Variants in UGGT1 observed in about 807,000 individuals in gnomAD.
The protein encoded by UGGT1 is UDP-glucose:glycoprotein glucosyltransferase 1.
UGGT1 carries 107 observed loss-of-function variants against 203.9 expected under a neutral mutation model. The ratio of observed to expected loss-of-function variants is 0.52; its 90% CI spans 0.45 to 0.62. The LOEUF is 0.62. Among genes scored for constraint, UGGT1 ranks in the 20% least tolerant of loss-of-function variants. The probability of loss-of-function intolerance (pLI) is 0.00; values close to 1 mark genes in which losing one functional copy is unlikely to be tolerated. For synonymous variants in UGGT1, 628 were observed against 653.5 expected (o/e 0.96, Z 0.59); for missense variants, 1,673 against 1,867.2 (o/e 0.90, Z 1.92).
At chr2:128,110,693 T>C (rs1374157559) in intron 5 of UGGT1, among the ~76,000 whole-genome samples, 1 of 152,220 alleles carries the variant, frequency 6.6e-6, no homozygotes, top group African/African-American at 2.4e-5. Flanking sequence ...TGGTTTGGCA[T>C]ATATACCTTC....
intron 13 of UGGT1, among the ~76,000 whole-genome samples, chr2:128,131,711 TC>T (rs946120703): frequency 1.5e-4 from 23 of 152,290 alleles, no homozygotes; most frequent in African/African-American, 5.5e-4. Context: ...CACTGCAACT[TC>T]CGCCTCCCAG....
chr2:128,143,313 T>C, intron 17 of UGGT1, 88 bp downstream of exon 17: 1 of 1,410,264 alleles, frequency 7.1e-7, no homozygotes, highest in East Asian at 2.5e-5. Context: ...ATAATGGCGA[T>C]GGTGGTTAAA....
rs1558818044 is a variant in UGGT1 at position 128,172,557 on chromosome 2, TC to T, written c.3105-14del. 1 of 1,613,546 alleles carries T rather than the reference TC, an allele frequency of 6.2e-7. No homozygotes were observed. The highest frequency in any genetic ancestry group is 8.5e-7 in the Non-Finnish European group (1 of 1,179,730). The stretch of plus-strand genomic sequence containing the variant: ...TCACATCGAAAATTATCTAACACTT[TC>T]CTTTTCAATTTCAGCTTTTACCGTT... On this transcript the variant is annotated splice_polypyrimidine_tract_variant and intron_variant, in intron 28 of 40. Transcript: ENST00000259253.
rs143235119 is a variant in UGGT1, at chr2:128,180,459, C to T, written c.3901-431C>T. Reference sequence around the variant, plus strand: ...GTGCTTATACTTAGAATCTGAAAGACTTATTCAAAAAGGACAACACATTTG... The same window carrying T: ...GTGCTTATACTTAGAATCTGAAAGATTTATTCAAAAAGGACAACACATTTG... On this transcript the variant is annotated intron_variant, in intron 35 of 40. Coordinates refer to ENST00000259253, the MANE Select transcript of UGGT1 (RefSeq NM_020120.4). Among the ~76,000 whole-genome samples the T allele has an allele frequency of 2.6e-3, 399 of 152,310 alleles. 2 individuals are homozygous for T. The highest frequency in any genetic ancestry group is 9.3e-3 in the African/African-American group (388 of 41,566).
At chr2:128,152,521 T>C (rs1202979601) in intron 18 of UGGT1, among the ~76,000 whole-genome samples, 2 of 152,200 alleles carry the variant, frequency 1.3e-5, no homozygotes, top group African/African-American at 4.8e-5. Flanking sequence ...TATTTAACCT[T>C]TCTGTGCCTT....
rs1341879814 is a variant in UGGT1 at position 128,091,338 on chromosome 2, G to T, written c.-20G>T. ...CTGGCGTTGTCTCTGGCACTGTGGC[G>T]GACTGACCACGGCCCGGGCATGGGC... On this transcript the variant is annotated 5_prime_UTR_variant, in exon 1 of 41. Coordinates refer to ENST00000259253, the MANE Select transcript of UGGT1 (RefSeq NM_020120.4). 2 of 1,552,036 alleles carry T rather than the reference G, an allele frequency of 1.3e-6. No homozygotes were observed. The highest frequency in any genetic ancestry group is 1.7e-6 in the Non-Finnish European group (2 of 1,148,286).
rs758037247 is a variant in UGGT1 at position 128,107,970 on chromosome 2, G to A, written c.310G>A (p.Glu104Lys). 1.9e-6 allele frequency: 3 copies of A among 1,614,042 alleles called. No individual in the cohort carries two copies. The highest frequency in any genetic ancestry group is 1.7e-5 in the Admixed American group (1 of 60,008). ...TDYSYYHAILEAAFQFLSPLQ... is the reference protein window; with the variant it reads ...TDYSYYHAILKAAFQFLSPLQ... The stretch of plus-strand genomic sequence containing the variant: ...TTATTCCTACTATCATGCAATATTG[G>A]AGGCTGCATTTCAGTTTCTGTCACC... The change falls in exon 4 of 41, where the codon GAG (glutamate) becomes AAG (lysine). Residue 104 changes from glutamate (E) to lysine (K), a missense_variant. Coordinates refer to ENST00000259253, the MANE Select transcript of UGGT1 (RefSeq NM_020120.4).
chr2:128,167,098 C>T (rs767005695), intron 26 of UGGT1, among the ~76,000 whole-genome samples: 4 of 152,096 alleles, frequency 2.6e-5, no homozygotes, highest in Non-Finnish European at 5.9e-5. Context: ...CCAGATTGCA[C>T]CCATTTTCTC....
intron 1 of UGGT1, among the ~76,000 whole-genome samples, chr2:128,095,548 C>G (rs1687082803): frequency 6.6e-6 from 1 of 151,716 alleles, no homozygotes; most frequent in Admixed American, 6.6e-5. Context: ...TCCTCCTGTC[C>G]CGCTCTGTTG....
rs549853191 is a variant in UGGT1 at position 128,097,340 on chromosome 2, A to G, written c.59-89A>G. 5.2e-4 allele frequency: 753 copies of G among 1,458,594 alleles called. 1 individual carries two copies. Among genetic ancestry groups the G allele is most frequent in the Middle Eastern group, 6.0e-4 (3 of 4,972 alleles). The allele number at this position is 1,458,594 out of a possible 1,614,324, so 90.4% of individuals were successfully genotyped here. ...GCATGAGCCGAGATTGCACCACTGC[A>G]CTCCAGCCTGGGCGACAGGGCGAGA... On this transcript the variant is annotated intron_variant, in intron 1 of 40. Coordinates refer to ENST00000259253, the MANE Select transcript of UGGT1 (RefSeq NM_020120.4).
chr2:128,142,629 C>T (rs184245723), intron 16 of UGGT1, among the ~76,000 whole-genome samples: 4 of 149,892 alleles, frequency 2.7e-5, no homozygotes, highest in Admixed American at 6.7e-5. Flanking sequence ...CCTAGGAAGC[C>T]ATCTTAGTAA....
chr2:128,129,067 A>C lies in UGGT1; in HGVS notation c.1265A>C (p.Glu422Ala). The change falls in exon 13 of 41, where the codon GAG becomes GCG. Residue 422 changes from glutamate (E) to alanine (A), a missense_variant. Glu to Ala is a moderately radical substitution (Grantham distance 107, BLOSUM62 -1). This residue lies in a region of UGGT1 where 1,073 missense variants were observed against 1,078.7 expected (regional missense o/e 0.99). Coordinates refer to ENST00000259253, the MANE Select transcript of UGGT1 (RefSeq NM_020120.4). ...DVLRNEARVM[E>A]GLHRLGIEGL... ...TTGAGGAATGAAGCTCGGGTAATGGAGGGTCTGCATAGATTGGGAATAGAA... is the reference window on the plus strand; with the variant it reads ...TTGAGGAATGAAGCTCGGGTAATGGCGGGTCTGCATAGATTGGGAATAGAA... The C allele has an allele frequency of 6.2e-7, 1 of 1,612,654 alleles. No individual in the cohort carries two copies. The highest frequency in any genetic ancestry group is 8.5e-7 in the Non-Finnish European group (1 of 1,179,602).
chr2:128,160,594 G>A lies in UGGT1; in HGVS notation c.2694+3G>A, dbSNP rs112197064. On this transcript the variant is annotated splice_donor_region_variant and intron_variant, in intron 24 of 40. Transcript: ENST00000259253. Reference sequence around the variant, plus strand: ...GGGCAGTGATCAGCAATGGAAGGGTGAGGATTTGTCAAGCTTGACTTCACA... The same window carrying A: ...GGGCAGTGATCAGCAATGGAAGGGTAAGGATTTGTCAAGCTTGACTTCACA... 1.2e-5 allele frequency: 20 copies of A among 1,609,500 alleles called. No homozygotes were observed. The highest frequency in any genetic ancestry group is 1.6e-5 in the Non-Finnish European group (19 of 1,177,644).
chr2:128,111,998 C>T (rs1332716328), intron 5 of UGGT1, among the ~76,000 whole-genome samples: 5 of 150,452 alleles, frequency 3.3e-5, no homozygotes, highest in African/African-American at 1.2e-4. Flanking sequence ...TTTAGTTGGG[C>T]ATGATGTCGT....
intron 11 of UGGT1, among the ~76,000 whole-genome samples, chr2:128,126,178 A>G (rs942935776): frequency 6.6e-6 from 1 of 151,582 alleles, no homozygotes; most frequent in African/African-American, 2.4e-5. Context: ...TCCTGACCTC[A>G]TGATCTGCCT....
chr2:128,174,936 C>A, intron 31 of UGGT1, 78 bp downstream of exon 31: 1 of 1,228,408 alleles, frequency 8.1e-7, no homozygotes, highest in South Asian at 1.4e-5. Flanking sequence ...ACTACCCTGG[C>A]AGTTAGCCAG....
intron 26 of UGGT1, among the ~76,000 whole-genome samples, chr2:128,168,141 C>T (rs2104769798): frequency 6.6e-6 from 1 of 152,258 alleles, no homozygotes; most frequent in South Asian, 2.1e-4. Context: ...TGTTAAAATG[C>T]AGATTGCTGG....
In UGGT1 at chr2:128,159,660, C is replaced by A. The variant is rs1276833299; in HGVS notation, c.2502C>A (p.Ala834=). ...CTAAGAACTTCATCACCAAAATGGC[C>A]AAGGAGGGGGCTGCAGAGGCCCTGG... ...NAAKNFITKM[A]KEGAAEALAA... is the part of the protein sequence containing the mutation. The change falls in exon 23 of 41, where the codon GCC becomes GCA. Residue 834 remains alanine, a synonymous_variant. Transcript: ENST00000259253. 1 of 1,614,056 alleles carries A rather than the reference C, an allele frequency of 6.2e-7. No homozygotes were observed. The highest frequency in any genetic ancestry group is 8.5e-7 in the Non-Finnish European group (1 of 1,180,012).
intron 2 of UGGT1, among the ~76,000 whole-genome samples, chr2:128,098,143 G>A (rs759328104): frequency 4.6e-5 from 7 of 152,098 alleles, no homozygotes; most frequent in Non-Finnish European, 7.4e-5. Flanking sequence ...GATTACAGAT[G>A]TGAGCCACTG....
Sources: allele counts gnomAD v4.1 joint callset (sites outside exome capture counted in the v4.1 genomes callset), GRCh38; gene constraint gnomAD v4.1.1; regional missense constraint gnomAD v4.1.1; transcripts MANE v1.5; gene names NCBI Gene and HGNC (gene_info 2026-07-23, HGNC 2026-07-21).